POLR1C: variants seen among roughly 807,000 people sequenced by gnomAD.
POLR1C encodes the protein DNA-directed RNA polymerases I and III subunit RPAC1.
In POLR1C, 42 loss-of-function variants were observed where a neutral mutation model predicts 38.3. The observed-to-expected ratio is 1.10, with a 90% CI of 0.86 to 1.42. The LOEUF is 1.42. POLR1C is among the 40% of genes most tolerant of loss of function. POLR1C has a pLI of 0.00. For missense variants in POLR1C, 507 were observed against 450.5 expected, an observed-to-expected ratio of 1.13 and a Z score of -1.14; for synonymous variants, 163 against 163.9, an observed-to-expected ratio of 0.99 and a Z score of 0.04.
chr6:43,549,542 G>A, intron 9 of POLR1C: 1 of 1,613,342 alleles, frequency 6.2e-7, no homozygotes, highest in Non-Finnish European at 8.5e-7. Flanking sequence ...GAACAAGCAT[G>A]CCTCCTCACA....
rs759144195 is a variant in POLR1C, at chr6:43,520,639, A to G, written c.670A>G (p.Lys224Glu). Residue 224 changes from lysine (K) to glutamate (E), a missense_variant, in exon 7 of 9, where the codon AAG becomes GAG. Transcript: ENST00000642195. ...TTCCTCTCCAGGCAAAGATCATGCC[A>G]AGTTTTCACCAGTGGCAACAGCCAG... ...CVKGIGKDHA[K>E]FSPVATASYR... is the part of the protein sequence containing the mutation. The G allele has an allele frequency of 1.9e-6, 3 of 1,614,190 alleles. No homozygotes were observed. The highest frequency in any genetic ancestry group is 2.5e-6 in the Non-Finnish European group (3 of 1,180,032).
At chr6:43,524,670 G>C (rs775650565), downstream of POLR1C, 1 of 1,603,914 alleles carries the variant, frequency 6.2e-7, no homozygotes, top group South Asian at 1.1e-5. Flanking sequence ...CTGGATGTAG[G>C]TTTGGATATT....
chr6:43,557,834 C>T (rs1762183142), intron 10 of POLR1C, among the ~76,000 whole-genome samples: 1 of 148,522 alleles, frequency 6.7e-6, no homozygotes, highest in Non-Finnish European at 1.5e-5. Context: ...GTGGTTCGCA[C>T]CTGTAAATCC....
chr6:43,561,994 A>G (rs1250806937), exon 11 of POLR1C: 3 of 319,394 alleles, frequency 9.4e-6, no homozygotes, highest in African/African-American at 4.3e-5. Flanking sequence ...ACAAGAAACC[A>G]ACGTTGACTT....
rs1302282350 is a variant in POLR1C, at chr6:43,521,374, G to T, written c.*74G>T. The T allele has an allele frequency of 4.4e-6, 7 of 1,608,758 alleles. No individual in the cohort carries two copies. The highest frequency in any genetic ancestry group is 1.3e-5 in the African/African-American group (1 of 74,822). ...ACCCTACAGGACTGCTGAACAGAGA[G>T]CCCAGTGTGACTAGGGATCCTGAGT... On this transcript the variant is annotated 3_prime_UTR_variant, in exon 9 of 9. Transcript: ENST00000642195.
chr6:43,546,641 T>G, intron 9 of POLR1C: 1 of 1,613,970 alleles, frequency 6.2e-7, no homozygotes. Flanking sequence ...AAGATTGGAT[T>G]TCCACTGGAT....
At chr6:43,546,653 T>G in intron 9 of POLR1C, 3 of 1,613,928 alleles carry the variant, frequency 1.9e-6, no homozygotes, top group Non-Finnish European at 2.5e-6. Context: ...CCACTGGATG[T>G]ATAACCCACC....
chr6:43,528,058 T>C, intron 8 of POLR1C: 1 of 1,208,772 alleles, frequency 8.3e-7, no homozygotes, highest in Non-Finnish European at 1.2e-6. Context: ...AACCTACTGC[T>C]CTTCTACCCT....
Position 43,521,047 on chromosome 6 carries a change from CTG to C in POLR1C, c.922+2_922+3del. ...TTGCCCGGGTTCGAGATCATTATAT[CTG>C]TGAGTATGAAGTGGTGAGATGAGTG... On this transcript the variant is annotated splice_donor_variant and coding_sequence_variant, in exon 8 of 9. Transcript: ENST00000642195. LOFTEE classifies it high-confidence loss of function. 6.2e-7 allele frequency: 1 copy of C among 1,611,894 alleles called. No homozygotes were observed. The highest frequency in any genetic ancestry group is 2.2e-5 in the East Asian group (1 of 44,882).
At chr6:43,534,113 T>C (rs1029210378), downstream of POLR1C, 1 of 781,170 alleles carries the variant, frequency 1.3e-6, no homozygotes, top group Non-Finnish European at 2.0e-6. Flanking sequence ...GATCTGCCCA[T>C]CAACTCCTGG....
chr6:43,530,539 C>T, downstream of POLR1C: 1 of 921,716 alleles, frequency 1.1e-6, no homozygotes, highest in Non-Finnish European at 1.5e-6. Flanking sequence ...TGCAATCTGC[C>T]AGTGTTTTTA....
intron 9 of POLR1C, chr6:43,546,725 C>A: frequency 6.2e-7 from 1 of 1,610,152 alleles, no homozygotes; most frequent in Non-Finnish European, 8.5e-7. Flanking sequence ...TTCACCACAC[C>A]CAGAATGCTG....
At chr6:43,554,857 T>G (rs539217027) in intron 10 of POLR1C, 1 of 151,932 alleles carries the variant, frequency 6.6e-6, no homozygotes, top group African/African-American at 2.4e-5. Context: ...CAATTGTAAA[T>G]AAAGCTGAAT....
At chr6:43,537,181 A>G (rs1561869688) in intron 9 of POLR1C, among the ~76,000 whole-genome samples, 1 of 142,666 alleles carries the variant, frequency 7.0e-6, no homozygotes, top group African/African-American at 2.7e-5. Context: ...TGTGTTGCCC[A>G]GGCTGGTCTC....
chr6:43,525,264 C>T, downstream of POLR1C: 1 of 1,515,890 alleles, frequency 6.6e-7, no homozygotes, highest in Admixed American at 2.0e-5. Context: ...GCACAGTTTT[C>T]TCTGATGATT....
At chr6:43,549,546 C>T in intron 9 of POLR1C, 1 of 1,613,326 alleles carries the variant, frequency 6.2e-7, no homozygotes, top group Admixed American at 1.7e-5. Context: ...AAGCATGCCT[C>T]CTCACATTCC....
At chr6:43,556,572 A>T (rs1478130867) in intron 10 of POLR1C, among the ~76,000 whole-genome samples, 2 of 152,104 alleles carry the variant, frequency 1.3e-5, no homozygotes, top group Non-Finnish European at 2.9e-5. Context: ...GTTGGTGGTA[A>T]TAAAAAATGG....
chr6:43,546,582 A>C, intron 9 of POLR1C: 1 of 1,608,390 alleles, frequency 6.2e-7, no homozygotes, highest in South Asian at 1.1e-5. Context: ...TTATAAGCGC[A>C]AGCAAATTGT....
chr6:43,523,482 C>G (rs1028915233), downstream of POLR1C: 1 of 369,194 alleles, frequency 2.7e-6, no homozygotes, highest in Non-Finnish European at 5.3e-6. Context: ...GCTCTTGCTG[C>G]GAGCCTTGCT....
Sources: allele counts gnomAD v4.1 joint callset (sites outside exome capture counted in the v4.1 genomes callset), GRCh38; gene constraint gnomAD v4.1.1; transcripts MANE v1.5; gene names NCBI Gene and HGNC (gene_info 2026-07-23, HGNC 2026-07-21).